KCNIP1: variants seen among roughly 807,000 people sequenced by gnomAD.
KCNIP1 encodes potassium voltage-gated channel interacting protein 1.
Under a neutral mutation model 33.0 loss-of-function variants are expected in KCNIP1, and 18 were observed. That is an observed-to-expected ratio of 0.55 (90% CI 0.38 to 0.81). The LOEUF (loss-of-function observed/expected upper bound fraction) is 0.81. Ranked by LOEUF, KCNIP1 falls within the 30% of genes least tolerant of loss-of-function variation. The pLI is 0.00. For synonymous variants in KCNIP1, 93 were observed against 98.3 expected, an observed-to-expected ratio of 0.95 and a Z score of 0.32; for missense variants, 238 against 271.6, an observed-to-expected ratio of 0.88 and a Z score of 0.87.
At chr5:170,590,894 G>T (rs1031321052) in intron 1 of KCNIP1, among the ~76,000 whole-genome samples, 1 of 152,190 alleles carries the variant, frequency 6.6e-6, no homozygotes, top group African/African-American at 2.4e-5. Flanking sequence ...TACACTGCTG[G>T]CTGGGAAAGG....
At chr5:170,602,658 G>A (rs370745935) in intron 1 of KCNIP1, among the ~76,000 whole-genome samples, 1 of 152,216 alleles carries the variant, frequency 6.6e-6, no homozygotes, top group Non-Finnish European at 1.5e-5. Context: ...TGGCTTCCAT[G>A]AACCTAGGAC....
chr5:170,622,269 A>G (rs1759632292), intron 1 of KCNIP1, among the ~76,000 whole-genome samples: 1 of 152,136 alleles, frequency 6.6e-6, no homozygotes, highest in Non-Finnish European at 1.5e-5. Flanking sequence ...GGGTCTCAAG[A>G]TGAAATCATC....
chr5:170,454,258 GT>G (rs1254805955), intron 1 of KCNIP1, among the ~76,000 whole-genome samples: 1 of 152,164 alleles, frequency 6.6e-6, no homozygotes, highest in Admixed American at 6.5e-5. Flanking sequence ...AAGTGCATTT[GT>G]TTTCATGGTT....
chr5:170,456,133 A>G (rs921203962), intron 1 of KCNIP1, among the ~76,000 whole-genome samples: 4 of 152,266 alleles, frequency 2.6e-5, no homozygotes, highest in Non-Finnish European at 5.9e-5. Flanking sequence ...GCAGCCATAA[A>G]AAAGAATGAG....
intron 1 of KCNIP1, among the ~76,000 whole-genome samples, chr5:170,717,439 A>G (rs74916108): frequency 0.024 from 3,691 of 152,272 alleles, 64 homozygotes; most frequent in Non-Finnish European, 0.032. Context: ...ATAACAAATC[A>G]TCTGCCTTAG....
At chr5:170,637,948 C>G (rs1760354953) in intron 1 of KCNIP1, among the ~76,000 whole-genome samples, 1 of 151,146 alleles carries the variant, frequency 6.6e-6, no homozygotes, top group Admixed American at 6.6e-5. Context: ...GGTGTGGGGA[C>G]TCCAGGGGAA....
At position 170,701,633 on chromosome 5, in the gene KCNIP1, C is replaced by T. The variant is rs190492586; in HGVS notation, c.62-17125C>T. 5.9e-3 allele frequency among the ~76,000 whole-genome samples: 895 copies of T among 152,320 alleles called. 9 individuals carry two copies. The highest frequency in any genetic ancestry group is 0.02 in the African/African-American group (845 of 41,570). ...TGTTACGTGGACTCTCTGTAGGTTG[C>T]ACCTTACTCGCAGCCAAGCAAAGGC... On this transcript the variant is annotated intron_variant, in intron 1 of 7. Coordinates refer to ENST00000328939, the MANE Select transcript of KCNIP1 (RefSeq NM_014592.4).
rs565797483 is a variant in KCNIP1 at position 170,551,635 on chromosome 5, T to C, written c.61+47002T>C. ...CAAGGTAGCTGTGTGTGTGTGTGTGTGCATGTGTGTGTGTGCTTGAGTGAC... is the reference window on the plus strand; with the variant it reads ...CAAGGTAGCTGTGTGTGTGTGTGTGCGCATGTGTGTGTGTGCTTGAGTGAC... On this transcript the variant is annotated intron_variant, in intron 1 of 7. Coordinates refer to ENST00000328939, the MANE Select transcript of KCNIP1 (RefSeq NM_014592.4). Among the ~76,000 whole-genome samples, 14 of 151,726 alleles carry C rather than the reference T, an allele frequency of 9.2e-5. No individual in the cohort carries two copies. In the South Asian group the frequency reaches 2.5e-3, roughly 28 times the overall value.
chr5:170,440,012 AC>A (rs1755952805), intron 1 of KCNIP1, among the ~76,000 whole-genome samples: 1 of 152,218 alleles, frequency 6.6e-6, no homozygotes, highest in African/African-American at 2.4e-5. Flanking sequence ...GTTCTTGGAG[AC>A]AGGGCCTTTA....
At chr5:170,496,393 C>A (rs1319663300) in intron 1 of KCNIP1, among the ~76,000 whole-genome samples, 1 of 152,208 alleles carries the variant, frequency 6.6e-6, no homozygotes, top group Non-Finnish European at 1.5e-5. Flanking sequence ...CGGAGTCAGA[C>A]CAGCTGAGTT....
At chr5:170,370,194 C>T (rs145008373) in intron 1 of KCNIP1, among the ~76,000 whole-genome samples, 1 of 152,288 alleles carries the variant, frequency 6.6e-6, no homozygotes, top group Non-Finnish European at 1.5e-5. Flanking sequence ...AGGTAGTTCT[C>T]TGAGCCCAAA....
In KCNIP1 at chr5:170,371,835, T is replaced by A. The variant is rs370854782; in HGVS notation, c.88+17871T>A. 2.6e-5 allele frequency among the ~76,000 whole-genome samples: 4 copies of A among 152,216 alleles called. No homozygotes were observed. In the East Asian group the frequency reaches 5.8e-4, roughly 22 times the overall value. On this transcript the variant is annotated intron_variant, in intron 1 of 7. Transcript: ENST00000377360. The stretch of plus-strand genomic sequence containing the variant: ...CATCCAAAGAGGTGTTGCTGCAGGT[T>A]GTCATTGAAGAGAACTATTGTAGAA...
At chr5:170,418,375 G>A (rs1015078572) in intron 1 of KCNIP1, among the ~76,000 whole-genome samples, 1 of 152,182 alleles carries the variant, frequency 6.6e-6, no homozygotes, top group African/African-American at 2.4e-5. Context: ...AGGTTGCAGA[G>A]CTGAGACTGC....
chr5:170,419,727 G>T (rs923183446), intron 1 of KCNIP1, among the ~76,000 whole-genome samples: 2 of 152,216 alleles, frequency 1.3e-5, no homozygotes, highest in African/African-American at 2.4e-5. Context: ...ACTGAAGAAG[G>T]TGCTGTTAAT....
At chr5:170,720,216 C>A in intron 2 of KCNIP1, 105 bp from the exon 3 acceptor site, 2 of 783,166 alleles carry the variant, frequency 2.6e-6, no homozygotes, top group South Asian at 3.0e-5. Context: ...GCACAGGTCC[C>A]TGTCCCTGGG....
intron 1 of KCNIP1, among the ~76,000 whole-genome samples, chr5:170,630,238 C>T (rs1269624334): frequency 6.6e-6 from 1 of 152,246 alleles, no homozygotes; most frequent in Non-Finnish European, 1.5e-5. Context: ...AAAACTCAAT[C>T]AATATTTACT....
chr5:170,598,902 CGCGTGTGTGT>C (rs1230115029), intron 1 of KCNIP1, among the ~76,000 whole-genome samples: 3 of 50,430 alleles, frequency 5.9e-5, no homozygotes, highest in Admixed American at 3.9e-4. Context: ...TGTGTGTGTG[CGCGTGTGTGT>C]GTGTGTGTGT....
intron 1 of KCNIP1, among the ~76,000 whole-genome samples, chr5:170,411,626 T>C (rs1755191794): frequency 8.3e-6 from 1 of 121,004 alleles, no homozygotes; most frequent in Non-Finnish European, 1.8e-5. Context: ...TGAGCAGAAT[T>C]CAGACATGAT....
intron 1 of KCNIP1, among the ~76,000 whole-genome samples, chr5:170,379,924 G>A (rs1764173014): frequency 2.0e-5 from 3 of 150,500 alleles, no homozygotes; most frequent in Admixed American, 6.6e-5. Context: ...TACACTCCAG[G>A]TAAGGCAACA....
Sources: allele counts gnomAD v4.1 joint callset (sites outside exome capture counted in the v4.1 genomes callset), GRCh38; gene constraint gnomAD v4.1.1; transcripts MANE v1.5; gene names NCBI Gene and HGNC (gene_info 2026-07-23, HGNC 2026-07-21).